The following KIAA1549L variants were observed in gnomAD, a reference collection of about 807,000 sequenced individuals.
KIAA1549L encodes KIAA1549 like, also known as UPF0606 protein KIAA1549L.
In KIAA1549L, 88 loss-of-function variants were observed where a neutral mutation model predicts 160.7. That is an observed-to-expected ratio of 0.55 (90% CI 0.46 to 0.65). The LOEUF is 0.65. KIAA1549L is among the 30% of genes least tolerant of loss of function. The pLI is 0.00. For synonymous variants in KIAA1549L, 950 were observed against 976.7 expected (o/e 0.97, Z 0.51); for missense variants, 2,258 against 2,437.5 (o/e 0.93, Z 1.55).
chr11:33,399,659 C>T (rs1308346528), intron 1 of KIAA1549L, among the ~76,000 whole-genome samples: 1 of 152,226 alleles, frequency 6.6e-6, no homozygotes, highest in South Asian at 2.1e-4. Flanking sequence ...TGTTCCCCCT[C>T]ACCCTCCAGG....
At chr11:33,537,960 TC>T (rs1218191789) in intron 1 of KIAA1549L, among the ~76,000 whole-genome samples, 1 of 152,218 alleles carries the variant, frequency 6.6e-6, no homozygotes, top group Non-Finnish European at 1.5e-5. Flanking sequence ...TGTGTATTAG[TC>T]CATTTTCATG....
intron 1 of KIAA1549L, among the ~76,000 whole-genome samples, chr11:33,429,173 T>C (rs1442440747): frequency 6.6e-6 from 1 of 152,196 alleles, no homozygotes; most frequent in African/African-American, 2.4e-5. Context: ...GGTTTCACCA[T>C]GTTGGCCAGG....
intron 1 of KIAA1549L, among the ~76,000 whole-genome samples, chr11:33,503,222 A>G (rs1852993647): frequency 6.6e-6 from 1 of 152,196 alleles, no homozygotes; most frequent in Non-Finnish European, 1.5e-5. Context: ...TCTCTTGTTC[A>G]GCATTATGTG....
intron 1 of KIAA1549L, among the ~76,000 whole-genome samples, chr11:33,390,202 G>A (rs138826903): frequency 6.7e-4 from 102 of 152,316 alleles, no homozygotes; most frequent in Middle Eastern, 6.8e-3. Context: ...GCAGAGTAGA[G>A]ATTGGAACCC....
chr11:33,566,622 G>C (rs1431749661), intron 8 of KIAA1549L, among the ~76,000 whole-genome samples: 1 of 152,228 alleles, frequency 6.6e-6, no homozygotes, highest in Non-Finnish European at 1.5e-5. Flanking sequence ...TAATTTCAGA[G>C]ACCTAGCTGT....
intron 8 of KIAA1549L, among the ~76,000 whole-genome samples, chr11:33,563,117 G>A (rs1854925491): frequency 6.6e-6 from 1 of 151,888 alleles, no homozygotes. Context: ...CAGAACTTTG[G>A]GAGGCTGAGA....
In KIAA1549L at chr11:33,552,130, G is replaced by A. The variant is rs372452571; in HGVS notation, c.3744G>A (p.Ala1248=). 20 of 1,613,320 alleles carry A rather than the reference G, an allele frequency of 1.2e-5. No individual in the cohort carries two copies. In the African/African-American group the frequency reaches 2.3e-4, roughly 18 times the overall value. The stretch of plus-strand genomic sequence containing the variant: ...TAGTGCTGCAGTTTGTGAGCCAAGC[G>A]GACAACATACAGTCCTGCAAGTTTG... ...LKTVLQFVSQ[A]DNIQSCKFAQ... The change falls in exon 6 of 21, where the codon GCG becomes GCA. Residue 1248 remains alanine, a synonymous_variant. Transcript: ENST00000658780.
At chr11:33,518,917 A>G (rs1167593696) in intron 1 of KIAA1549L, among the ~76,000 whole-genome samples, 3 of 152,230 alleles carry the variant, frequency 2.0e-5, no homozygotes, top group African/African-American at 7.2e-5. Context: ...GAAATCTGAA[A>G]TCCAAAATGC....
intron 1 of KIAA1549L, among the ~76,000 whole-genome samples, chr11:33,407,240 A>G (rs959516326): frequency 6.7e-6 from 1 of 148,522 alleles, no homozygotes; most frequent in East Asian, 2.0e-4. Context: ...GCCTGCCACC[A>G]CGCCCGGCTA....
intron 8 of KIAA1549L, among the ~76,000 whole-genome samples, chr11:33,567,084 G>C (rs1365721716): frequency 1.3e-5 from 2 of 152,164 alleles, no homozygotes; most frequent in African/African-American, 4.8e-5. Flanking sequence ...AGCAGTCCTA[G>C]AACAGCCCTG....
chr11:33,542,673 A>G lies in KIAA1549L; in HGVS notation c.1110A>G (p.Gly370=). The G allele has an allele frequency of 6.2e-7, 1 of 1,613,818 alleles. No individual in the cohort carries two copies. The highest frequency in any genetic ancestry group is 8.5e-7 in the Non-Finnish European group (1 of 1,179,838). Residue 370 remains glycine (G), a synonymous_variant, in exon 2 of 21, where the codon GGA becomes GGG. Transcript: ENST00000658780. ...GAAGTCTTCTTCAGCTTCCAGATGG[A>G]AGCCCCTCATGGTCAATGTTGGAAG... is the stretch of plus-strand genomic sequence containing the variant. ...ALGSLLQLPD[G]SPSWSMLEVA...
rs886935379 is a variant in KIAA1549L, at chr11:33,583,650, C to G, written c.4566+149C>G. Reference sequence around the variant, plus strand: ...TGAAGGAGATCCTTCCTTTTAGTCTCAGGACCTGATGGTTTGTGGTTATCT... The same window carrying G: ...TGAAGGAGATCCTTCCTTTTAGTCTGAGGACCTGATGGTTTGTGGTTATCT... On this transcript the variant is annotated intron_variant, in intron 11 of 20. Transcript: ENST00000658780. 5.5e-6 allele frequency: 4 copies of G among 725,860 alleles called. No homozygotes were observed. The African/African-American group carries it at 7.2e-5, about 13-fold the overall frequency. 45.0% of individuals were successfully genotyped at this position (725,860 alleles called of 1,614,324 possible).
intron 1 of KIAA1549L, among the ~76,000 whole-genome samples, chr11:33,482,279 C>T (rs1250509021): frequency 6.6e-6 from 1 of 151,966 alleles, no homozygotes; most frequent in Non-Finnish European, 1.5e-5. Flanking sequence ...AATACTGACA[C>T]TTCTATTTTT....
chr11:33,637,182 T>G (rs1442143085), intron 16 of KIAA1549L, among the ~76,000 whole-genome samples: 1 of 152,174 alleles, frequency 6.6e-6, no homozygotes, highest in East Asian at 1.9e-4. Flanking sequence ...AACTCTTGGC[T>G]TTCCTTCACT....
intron 7 of KIAA1549L, 76 bp from the exon 8 acceptor site, chr11:33,561,600 C>G: frequency 2.5e-6 from 3 of 1,205,096 alleles, no homozygotes; most frequent in Admixed American, 1.8e-5. Flanking sequence ...GATCCCATCT[C>G]AAATATAACT....
In KIAA1549L at chr11:33,645,742, C is replaced by T; in HGVS notation, c.5466C>T (p.Gly1822=). 6.2e-7 allele frequency: 1 copy of T among 1,613,974 alleles called. No homozygotes were observed. The highest frequency in any genetic ancestry group is 8.5e-7 in the Non-Finnish European group (1 of 1,179,882). ...TTGACAGAGTTCCTGAGCCCCGGGG[C>T]TATTCCAGGTCTCGACAGGTGAAAG... ...TNIDRVPEPR[G]YSRSRQVKGH... The change falls in exon 17 of 21, where the codon GGC becomes GGT. Residue 1822 remains glycine (G), a synonymous_variant. Transcript: ENST00000658780.
intron 1 of KIAA1549L, among the ~76,000 whole-genome samples, chr11:33,514,081 G>A (rs1853285964): frequency 6.6e-6 from 1 of 152,206 alleles, no homozygotes; most frequent in South Asian, 2.1e-4. Flanking sequence ...GAAAGGTTGA[G>A]TCTTGTTGCA....
chr11:33,414,656 G>C (rs1446387177), intron 1 of KIAA1549L, among the ~76,000 whole-genome samples: 2 of 152,174 alleles, frequency 1.3e-5, no homozygotes, highest in African/African-American at 4.8e-5. Flanking sequence ...TTGGGTATTG[G>C]TATTAAAAAG....
chr11:33,634,174 C>G (rs1458870891), intron 16 of KIAA1549L, among the ~76,000 whole-genome samples: 1 of 152,240 alleles, frequency 6.6e-6, no homozygotes, highest in East Asian at 1.9e-4. Context: ...TCCTGAGTAG[C>G]TGGGATTACA....
Sources: gnomAD v4.1 joint callset for allele counts (sites outside exome capture counted in the v4.1 genomes callset) on GRCh38, gnomAD v4.1.1 for gene constraint, MANE v1.5 for transcripts, NCBI Gene and HGNC (gene_info 2026-07-23, HGNC 2026-07-21) for gene names.